Variants in EYS observed in about 807,000 individuals in gnomAD.
EYS encodes protein eyes shut homolog.
EYS carries 250 observed loss-of-function variants against 282.1 expected under a neutral mutation model. That is an observed-to-expected ratio of 0.89 (90% CI 0.80 to 0.98). The LOEUF (loss-of-function observed/expected upper bound fraction) is 0.98. Among genes scored for constraint, EYS ranks in the 50% least tolerant of loss-of-function variants. The probability of loss-of-function intolerance (pLI) is 0.00; values close to 1 mark genes in which losing one functional copy is unlikely to be tolerated. For synonymous variants in EYS, 1,355 were observed against 1,282.9 expected (o/e 1.06, Z -1.20); for missense variants, 4,016 against 3,709.0 (o/e 1.08, Z -2.15).
chr6:63,994,248 T>C (rs566522861), intron 34 of EYS, among the ~76,000 whole-genome samples: 1 of 152,060 alleles, frequency 6.6e-6, no homozygotes, highest in Non-Finnish European at 1.5e-5. Context: ...TAATTTACAC[T>C]ATATAATTAC....
chr6:64,822,666 G>C lies in EYS; in HGVS notation c.3149C>G (p.Pro1050Arg), dbSNP rs1273535717. ...AAATAGCTACCTTCCATGTAGACAA[G>C]GATTTGAAAGGCAATCATTGGCGTT... Reference protein sequence around the residue: ...ETNANDCLSNPCLHGRCTELI... With the variant: ...ETNANDCLSNRCLHGRCTELI... Residue 1050 changes from proline to arginine, a missense_variant, in exon 20 of 43, where the codon CCT becomes CGT. Physicochemically the swap from Pro to Arg is moderately radical, Grantham distance 103. Transcript: ENST00000503581. The C allele has an allele frequency of 4.5e-6, 7 of 1,540,052 alleles. No individual in the cohort carries two copies. Among genetic ancestry groups the C allele is most frequent in the Non-Finnish European group, 5.2e-6 (6 of 1,143,050 alleles).
intron 13 of EYS, among the ~76,000 whole-genome samples, chr6:65,042,172 G>C (rs1226367683): frequency 6.6e-6 from 1 of 151,442 alleles, no homozygotes; most frequent in Admixed American, 6.6e-5. Flanking sequence ...GTTCTAATAT[G>C]AATATAGATC....
intron 19 of EYS, among the ~76,000 whole-genome samples, chr6:64,828,115 TGAA>T (rs2150026256): frequency 6.6e-6 from 1 of 151,910 alleles, no homozygotes; most frequent in East Asian, 1.9e-4. Flanking sequence ...TAATACAAGA[TGAA>T]GAATTAATTT....
At chr6:65,212,095 AT>A (rs1766190626) in intron 12 of EYS, among the ~76,000 whole-genome samples, 1 of 151,124 alleles carries the variant, frequency 6.6e-6, no homozygotes. Context: ...GAAAAAAAAA[AT>A]TTAAAAGTCA....
At chr6:64,486,165 G>A (rs1205557156) in intron 26 of EYS, among the ~76,000 whole-genome samples, 2 of 151,446 alleles carry the variant, frequency 1.3e-5, no homozygotes, top group African/African-American at 4.8e-5. Context: ...CTGGGACTTA[G>A]ACTGTTTTGT....
chr6:64,307,089 GA>G lies in EYS; in HGVS notation c.6079-8del. On this transcript the variant is annotated splice_region_variant and splice_polypyrimidine_tract_variant and intron_variant, in intron 29 of 42. Coordinates refer to ENST00000503581, the MANE Select transcript of EYS (RefSeq NM_001142800.2). ...TCTTGACTGGTACAGGCATCTGAGA[GA>G]GAGAGAGAGAGAGAGAAGTAGAGAT... 2 of 978,594 alleles carry G rather than the reference GA, an allele frequency of 2.0e-6. No individual in the cohort carries two copies. The highest frequency in any genetic ancestry group is 3.0e-6 in the Non-Finnish European group (2 of 656,598). The allele number at this position is 978,594 out of a possible 1,614,324, so 60.6% of individuals were successfully genotyped here. A position where few individuals can be genotyped will look rare whatever the true frequency, so the allele number is the denominator to read the frequency against.
intron 12 of EYS, among the ~76,000 whole-genome samples, chr6:65,275,489 T>C (rs1343734293): frequency 6.6e-6 from 1 of 152,176 alleles, no homozygotes; most frequent in African/African-American, 2.4e-5. Flanking sequence ...ATGCCCATGG[T>C]TGCCACTTCT....
intron 26 of EYS, among the ~76,000 whole-genome samples, chr6:64,566,609 T>C (rs1402509896): frequency 6.6e-6 from 1 of 152,184 alleles, no homozygotes; most frequent in African/African-American, 2.4e-5. Context: ...ATTATTTAAA[T>C]TGGCTATTTA....
intron 23 of EYS, among the ~76,000 whole-genome samples, chr6:64,623,256 T>C (rs1022546624): frequency 2.6e-5 from 4 of 152,194 alleles, no homozygotes; most frequent in Non-Finnish European, 4.4e-5. Context: ...AATGTATTCA[T>C]CTTGCATGAC....
intron 12 of EYS, among the ~76,000 whole-genome samples, chr6:65,271,287 G>A (rs1173999474): frequency 6.6e-6 from 1 of 151,376 alleles, no homozygotes; most frequent in Non-Finnish European, 1.5e-5. Context: ...AGTCAATGAT[G>A]GTTCCAGTCT....
chr6:65,179,492 C>T (rs995825321), intron 12 of EYS, among the ~76,000 whole-genome samples: 1 of 152,086 alleles, frequency 6.6e-6, no homozygotes. Context: ...CACATACATC[C>T]TCTCAAGACT....
At chr6:64,597,688 T>G (rs1766629668) in intron 24 of EYS, among the ~76,000 whole-genome samples, 1 of 123,212 alleles carries the variant, frequency 8.1e-6, no homozygotes, top group Non-Finnish European at 1.7e-5. Context: ...TGGAGAAAAA[T>G]AAAAACTGGA....
At chr6:65,100,378 A>G (rs1441631282) in intron 12 of EYS, among the ~76,000 whole-genome samples, 1 of 150,756 alleles carries the variant, frequency 6.6e-6, no homozygotes, top group African/African-American at 2.4e-5. Context: ...GAAGAACAAA[A>G]AAAGAGTCAT....
intron 41 of EYS, among the ~76,000 whole-genome samples, chr6:63,759,420 A>G (rs1435073380): frequency 6.6e-6 from 1 of 152,096 alleles, no homozygotes; most frequent in Non-Finnish European, 1.5e-5. Context: ...ACAAACCTTG[A>G]TGTTCATATA....
chr6:64,102,962 G>T, intron 31 of EYS, among the ~76,000 whole-genome samples: 1 of 152,014 alleles, frequency 6.6e-6, no homozygotes, highest in Middle Eastern at 3.4e-3. Flanking sequence ...GCTTAGTAGA[G>T]GGCAGAGCAT....
rs1021653451 is a variant in EYS, at chr6:65,434,915, C to G, written c.863-29548G>C. On this transcript the variant is annotated intron_variant, in intron 5 of 42. Coordinates refer to ENST00000503581, the MANE Select transcript of EYS (RefSeq NM_001142800.2). ...TACCTTTATTATCTAATTATCTCTA[C>G]TATTCCTAGTATTCTTAATATTTAT... 1.3e-4 allele frequency among the ~76,000 whole-genome samples: 20 copies of G among 151,918 alleles called. 1 individual carries two copies. Among genetic ancestry groups the G allele is most frequent in the African/African-American group, 4.6e-4 (19 of 41,382 alleles).
At chr6:64,831,905 T>A (rs1271930229) in intron 19 of EYS, among the ~76,000 whole-genome samples, 2 of 151,916 alleles carry the variant, frequency 1.3e-5, no homozygotes, top group Non-Finnish European at 2.9e-5. Flanking sequence ...AATGAGTGAG[T>A]CAAGAAAGGT....
intron 11 of EYS, among the ~76,000 whole-genome samples, chr6:65,314,560 T>TGG (rs1260545683): frequency 9.1e-5 from 8 of 87,490 alleles, no homozygotes; most frequent in East Asian, 3.8e-4. Flanking sequence ...CTTCCCCTTA[T>TGG]GGTGTGTGTG....
At chr6:64,001,448 G>A (rs1267474970) in intron 33 of EYS, among the ~76,000 whole-genome samples, 3 of 152,056 alleles carry the variant, frequency 2.0e-5, no homozygotes, top group Admixed American at 6.5e-5. Flanking sequence ...CAATGCAACC[G>A]ACTTTTTTTT....
Sources: allele counts gnomAD v4.1 joint callset (sites outside exome capture counted in the v4.1 genomes callset), GRCh38; gene constraint gnomAD v4.1.1; transcripts MANE v1.5; gene names NCBI Gene and HGNC (gene_info 2026-07-23, HGNC 2026-07-21).